Variants in LRRC41 observed in about 807,000 individuals in gnomAD.
LRRC41 encodes leucine rich repeat containing 41.
In LRRC41, 17 loss-of-function variants were observed where a neutral mutation model predicts 72.1. The observed-to-expected ratio is 0.24, with a 90% CI of 0.16 to 0.35. LRRC41 has a LOEUF of 0.35. Ranked by LOEUF, LRRC41 falls within the 10% of genes least tolerant of loss-of-function variation. The probability of loss-of-function intolerance (pLI) is 1.00; values close to 1 mark genes in which losing one functional copy is unlikely to be tolerated. For missense variants in LRRC41, 759 were observed against 1,065.0 expected (o/e 0.71, Z 4.00); for synonymous variants, 427 against 431.0 (o/e 0.99, Z 0.11).
At chr1:46,301,953 C>A in intron 1 of LRRC41, 2 of 985,320 alleles carry the variant, frequency 2.0e-6, no homozygotes, top group Non-Finnish European at 2.4e-6. Flanking sequence ...GTCCCCAGCG[C>A]GGCTAGGCCT....
At chr1:46,288,285 A>T (rs1212033474) in intron 3 of LRRC41, among the ~76,000 whole-genome samples, 2 of 152,222 alleles carry the variant, frequency 1.3e-5, no homozygotes, top group Non-Finnish European at 1.5e-5. Flanking sequence ...TCTCAGGGGC[A>T]GTAGAAAGTC....
chr1:46,287,995 T>A (rs1417086976), intron 3 of LRRC41, among the ~76,000 whole-genome samples: 1 of 152,246 alleles, frequency 6.6e-6, no homozygotes, highest in African/African-American at 2.4e-5. Context: ...TATTCTGATG[T>A]GTTTAATACA....
At position 46,285,832 on chromosome 1, in the gene LRRC41, A is replaced by T; in HGVS notation, c.1025T>A (p.Leu342Gln). Reference sequence around the variant, plus strand: ...CTCATGGGAGGTGGCTGGGGGGTGCAGCTCCCTCTTAAGGTCTGTTCCGCC... The same window carrying T: ...CTCATGGGAGGTGGCTGGGGGGTGCTGCTCCCTCTTAAGGTCTGTTCCGCC... The part of the protein sequence containing the change: ...TAGGTDLKRE[L>Q]HPPATSHEAP... Residue 342 changes from leucine (L) to glutamine (Q), a missense_variant, in exon 4 of 10, where the codon CTG (leucine) becomes CAG (glutamine). Physicochemically the swap from Leu to Gln is moderately radical, Grantham distance 113 (BLOSUM62 -2). Transcript: ENST00000617190. The surrounding 1 kb of genome is among the most constrained non-coding windows in gnomAD (Gnocchi z 5.3). The T allele has an allele frequency of 6.3e-7, 1 of 1,593,984 alleles. No homozygotes were observed. Among genetic ancestry groups the T allele is most frequent in the Non-Finnish European group, 8.5e-7 (1 of 1,171,570 alleles).
chr1:46,297,596 A>G lies in LRRC41; in HGVS notation c.324T>C (p.Asp108=). 1 of 1,614,236 alleles carries G rather than the reference A, an allele frequency of 6.2e-7. No homozygotes were observed. The highest frequency in any genetic ancestry group is 8.5e-7 in the Non-Finnish European group (1 of 1,180,012). ...TGGAAGGCCTTGTCTTCATCAGTTC[A>G]TCCCAGAGTCGGCGCCAGATGGCCT... The part of the protein sequence containing the change: ...STQAIWRRLW[D]ELMKTRPSSL... Residue 108 remains aspartate, a synonymous_variant, in exon 3 of 10, where the codon GAT becomes GAC. Coordinates refer to ENST00000617190, the MANE Select transcript of LRRC41 (RefSeq NM_006369.5).
In LRRC41 at chr1:46,285,641, G is replaced by T. The variant is rs568255406; in HGVS notation, c.1216C>A (p.Pro406Thr). ...GKKGARTRQGPGAESEDLYDF... is the reference protein window; with the variant it reads ...GKKGARTRQGTGAESEDLYDF... ...TACAGGTCTTCAGACTCTGCACCAG[G>T]CCCCTGACGGGTGCGAGCACCCTTC... Residue 406 changes from proline to threonine, a missense_variant, in exon 4 of 10, where the codon CCT becomes ACT. This residue lies in a region of LRRC41 where 427 missense variants were observed against 520.9 expected (regional missense o/e 0.82). Transcript: ENST00000617190. The surrounding 1 kb of genome is among the most constrained non-coding windows in gnomAD (Gnocchi z 5.3). The T allele has an allele frequency of 1.2e-6, 2 of 1,614,142 alleles. No homozygotes were observed. Among genetic ancestry groups the T allele is most frequent in the South Asian group, 2.2e-5 (2 of 91,056 alleles).
At chr1:46,288,090 C>T (rs1327315297) in intron 3 of LRRC41, among the ~76,000 whole-genome samples, 3 of 152,200 alleles carry the variant, frequency 2.0e-5, no homozygotes, top group African/African-American at 7.2e-5. Flanking sequence ...ATATACCAGA[C>T]ACCCAGACTT....
chr1:46,282,320 A>C (rs1236528432), intron 4 of LRRC41, among the ~76,000 whole-genome samples: 1 of 152,192 alleles, frequency 6.6e-6, no homozygotes, highest in Non-Finnish European at 1.5e-5. Flanking sequence ...GGAAAAGATA[A>C]CCAAATCCCA....
At chr1:46,288,958 C>T (rs1660943519) in intron 3 of LRRC41, among the ~76,000 whole-genome samples, 2 of 152,196 alleles carry the variant, frequency 1.3e-5, no homozygotes, top group African/African-American at 4.8e-5. Flanking sequence ...TTGCAGGTAA[C>T]CTTAGCAAGG....
chr1:46,291,563 T>G (rs1341767133), intron 3 of LRRC41, among the ~76,000 whole-genome samples: 2 of 141,158 alleles, frequency 1.4e-5, no homozygotes, highest in South Asian at 2.4e-4. Context: ...TTTTTTTTTT[T>G]TTTTTTTTTT....
chr1:46,285,558 C>T lies in LRRC41; in HGVS notation c.1299G>A (p.Gly433=). The T allele has an allele frequency of 6.2e-7, 1 of 1,613,798 alleles. No homozygotes were observed. The highest frequency in any genetic ancestry group is 8.5e-7 in the Non-Finnish European group (1 of 1,179,728). ...CATCCAAAGCTCCACAAGCCACTTC[C>T]CCAATCTCCATCTCTTCGCCATCCT... ...EKEDGEEMEI[G]EVACGALDGS... The change falls in exon 4 of 10, where the codon GGG becomes GGA. Residue 433 remains glycine, a synonymous_variant. Transcript: ENST00000617190. The surrounding 1 kb of genome is among the most constrained non-coding windows in gnomAD (Gnocchi z 5.3).
chr1:46,297,482 G>A (rs1380961784), intron 3 of LRRC41, 81 bp downstream of exon 3: 4 of 1,133,916 alleles, frequency 3.5e-6, no homozygotes, highest in Non-Finnish European at 5.3e-6. Context: ...CACTTTATCA[G>A]TACCCAGCTT....
At chr1:46,292,789 T>C (rs568371962) in intron 3 of LRRC41, among the ~76,000 whole-genome samples, 74 of 152,262 alleles carry the variant, frequency 4.9e-4, no homozygotes, top group African/African-American at 1.4e-3. Context: ...TGTTGGCATT[T>C]TCATTTTTTT....
Position 46,303,339 on chromosome 1 carries a change from A to G in LRRC41, c.-17T>C, listed in dbSNP as rs1661289576. ...CGCCGCCATCTTGGGGAGGTGCGCG[A>G]GCCCGAGAGTGTCGCCCGCGGACCG... On this transcript the variant is annotated 5_prime_UTR_variant, in exon 1 of 10. Transcript: ENST00000617190. The G allele has an allele frequency of 2.7e-6, 4 of 1,496,886 alleles. No individual in the cohort carries two copies. In the East Asian group the frequency reaches 1.0e-4, roughly 38 times the overall value. The allele number at this position is 1,496,886 out of a possible 1,614,324, so 92.7% of individuals were successfully genotyped here.
rs375550246 is a variant in LRRC41, at chr1:46,302,180, C to A, written c.199+944G>T. ...GTCCCGGCCGCCTTCAGGCCTGGGG[C>A]CCCCGTTCACTCCCATTCAGCCCAA... On this transcript the variant is annotated intron_variant, in intron 1 of 9. Transcript: ENST00000617190. This position sits in a 1 kb window ranked among gnomAD's most constrained non-coding sequence, Gnocchi z 4.7. 1,040 of 985,364 alleles carry A rather than the reference C, an allele frequency of 1.1e-3. 9 individuals are homozygous for A. In the African/African-American group the frequency reaches 0.016, roughly 15 times the overall value. The allele number at this position is 985,364 out of a possible 1,614,324, so 61.0% of individuals were successfully genotyped here. A position where few individuals can be genotyped will look rare whatever the true frequency, so the allele number is the denominator to read the frequency against.
chr1:46,292,882 G>T (rs1661046114), intron 3 of LRRC41, among the ~76,000 whole-genome samples: 1 of 152,004 alleles, frequency 6.6e-6, no homozygotes, highest in South Asian at 2.1e-4. Flanking sequence ...TTGGTTCTGT[G>T]CATTTAATAA....
At chr1:46,296,742 T>C (rs1661134603) in intron 3 of LRRC41, 1 of 152,206 alleles carries the variant, frequency 6.6e-6, no homozygotes, top group Non-Finnish European at 1.5e-5. Context: ...ACAGACTCCA[T>C]TTGAACTTAG....
chr1:46,297,584 C>T lies in LRRC41; in HGVS notation c.336G>A (p.Lys112=), dbSNP rs865798236. 6.2e-7 allele frequency: 1 copy of T among 1,614,150 alleles called. No individual in the cohort carries two copies. The highest frequency in any genetic ancestry group is 1.1e-5 in the South Asian group (1 of 91,086). Residue 112 remains lysine (K), a synonymous_variant, in exon 3 of 10, where the codon AAG becomes AAA. Transcript: ENST00000617190. ...TTACTTCCAAACTGGAAGGCCTTGTCTTCATCAGTTCATCCCAGAGTCGGC... is the reference window on the plus strand; with the variant it reads ...TTACTTCCAAACTGGAAGGCCTTGTTTTCATCAGTTCATCCCAGAGTCGGC... ...IWRRLWDELM[K]TRPSSLESVT...
Position 46,277,854 on chromosome 1 carries a change from G to A in LRRC41, c.*1011C>T, listed in dbSNP as rs1478829696. On this transcript the variant is annotated 3_prime_UTR_variant, in exon 10 of 10. Transcript: ENST00000617190. ...GAGGAGAAGATCTTCCAGCGTCAGAGCCACAAGAAGGCACTGAGCAGCTGT... is the reference window on the plus strand; with the variant it reads ...GAGGAGAAGATCTTCCAGCGTCAGAACCACAAGAAGGCACTGAGCAGCTGT... 2.5e-6 allele frequency: 4 copies of A among 1,613,216 alleles called. No individual in the cohort carries two copies. The highest frequency in any genetic ancestry group is 3.4e-6 in the Non-Finnish European group (4 of 1,179,286).
Position 46,280,211 on chromosome 1 carries a change from T to C in LRRC41, c.2001A>G (p.Leu667=). 6 of 1,614,072 alleles carry C rather than the reference T, an allele frequency of 3.7e-6. No individual in the cohort carries two copies. The highest frequency in any genetic ancestry group is 5.1e-6 in the Non-Finnish European group (6 of 1,179,934). ...ACTTACCTTGCAGAGTCAGATTCTG[T>C]AGCAAAAAGAGCACCTCGCTCTGAC... ...ADCQSEVLFL[L]QNLTLQEITF... The change falls in exon 7 of 10, where the codon CTA becomes CTG. Residue 667 remains leucine (L), a synonymous_variant. Coordinates refer to ENST00000617190, the MANE Select transcript of LRRC41 (RefSeq NM_006369.5).
Sources: allele counts gnomAD v4.1 joint callset (sites outside exome capture counted in the v4.1 genomes callset), GRCh38; gene constraint gnomAD v4.1.1; regional missense constraint gnomAD v4.1.1; non-coding constraint Gnocchi (gnomAD v3.1); transcripts MANE v1.5; gene names NCBI Gene and HGNC (gene_info 2026-07-23, HGNC 2026-07-21).